The following SLC29A4 variants were observed in gnomAD, a reference collection of about 807,000 sequenced individuals.
SLC29A4 encodes the protein equilibrative nucleoside transporter 4.
A neutral mutation model predicts 43.9 loss-of-function variants in SLC29A4; 36 were observed. The ratio of observed to expected loss-of-function variants is 0.82; its 90% CI spans 0.63 to 1.08. SLC29A4 has a LOEUF of 1.08. SLC29A4 is among the 50% of genes least tolerant of loss of function. The pLI is 0.00. For missense variants in SLC29A4, 869 were observed against 755.3 expected (o/e 1.15, Z -1.77); for synonymous variants, 491 against 338.0 (o/e 1.45, Z -4.97).
chr7:5,299,292 C>G lies in SLC29A4; in HGVS notation c.1074C>G (p.Leu358=), dbSNP rs769577734. 3.1e-6 allele frequency: 5 copies of G among 1,611,958 alleles called. No homozygotes were observed. The highest frequency in any genetic ancestry group is 4.2e-6 in the Non-Finnish European group (5 of 1,179,932). ...CGCGGGTGATCTGGGCCGACATGCTCTCCATCGCCGTGACCTACTTCATCA... is the reference window on the plus strand; with the variant it reads ...CGCGGGTGATCTGGGCCGACATGCTGTCCATCGCCGTGACCTACTTCATCA... ...VVARVIWADM[L]SIAVTYFITL... The change falls in exon 9 of 11, where the codon CTC becomes CTG. Residue 358 remains leucine (L), a synonymous_variant. Transcript: ENST00000396872.
chr7:5,294,684 A>G (rs1334055962), intron 5 of SLC29A4, among the ~76,000 whole-genome samples, 176 bp from the exon 6 acceptor site: 1 of 152,076 alleles, frequency 6.6e-6, no homozygotes, highest in East Asian at 1.9e-4. Context: ...ACCCTGGCTG[A>G]CCCCAAGGGT....
intron 8 of SLC29A4, 39 bp downstream of exon 8, chr7:5,299,165 C>T: frequency 1.9e-6 from 3 of 1,600,386 alleles, no homozygotes; most frequent in South Asian, 1.1e-5. Flanking sequence ...GGCTCTGGCA[C>T]CCAGGCAGGG....
intron 5 of SLC29A4, among the ~76,000 whole-genome samples, chr7:5,292,593 T>G (rs1206390163): frequency 2.6e-5 from 4 of 151,872 alleles, no homozygotes; most frequent in African/African-American, 7.3e-5. Flanking sequence ...ATATTTTCCC[T>G]TGCACCATTT....
At position 5,288,847 on chromosome 7, in the gene SLC29A4, A is replaced by C. The variant is rs1407988535; in HGVS notation, c.169+862A>C. 2.0e-5 allele frequency among the ~76,000 whole-genome samples: 3 copies of C among 152,142 alleles called. No homozygotes were observed. The East Asian group carries it at 5.8e-4, about 29-fold the overall frequency. ...ATCAGACTTGCAGAGTGGACAGCCC[A>C]CAGGCTTGGAGTCTGACAGGCTCGG... On this transcript the variant is annotated intron_variant, in intron 2 of 10. Transcript: ENST00000396872.
At chr7:5,289,043 C>T (rs922984391) in intron 2 of SLC29A4, among the ~76,000 whole-genome samples, 5 of 152,122 alleles carry the variant, frequency 3.3e-5, no homozygotes, top group African/African-American at 7.2e-5. Flanking sequence ...CAGGAGGCAC[C>T]CTGTAAGCTA....
Position 5,302,899 on chromosome 7 carries a change from A to G in SLC29A4, c.1553A>G (p.His518Arg). The part of the protein sequence containing the change: ...LTRDAHGSCL[H>R]ASTANGSILA... The stretch of plus-strand genomic sequence containing the variant: ...CGCGACGCTCACGGCAGCTGCCTGC[A>G]CGCCTCCACCGCCAATGGTTCCATC... Residue 518 changes from histidine (H) to arginine (R), a missense_variant, in exon 11 of 11, where the codon CAC (histidine) becomes CGC (arginine). By Grantham distance (29) the His-to-Arg change is conservative (BLOSUM62 0). Coordinates refer to ENST00000396872, the MANE Select transcript of SLC29A4 (RefSeq NM_153247.4). 1.2e-6 allele frequency: 2 copies of G among 1,606,496 alleles called. No homozygotes were observed. The highest frequency in any genetic ancestry group is 1.7e-6 in the Non-Finnish European group (2 of 1,177,418).
chr7:5,298,717 C>T (rs1344696114), intron 7 of SLC29A4, among the ~76,000 whole-genome samples: 3 of 152,196 alleles, frequency 2.0e-5, no homozygotes, highest in African/African-American at 7.2e-5. Flanking sequence ...GGAGGATTGC[C>T]TGAGCCCAGG....
intron 10 of SLC29A4, among the ~76,000 whole-genome samples, chr7:5,302,047 T>C (rs1786204677): frequency 6.6e-6 from 1 of 152,046 alleles, no homozygotes; most frequent in African/African-American, 2.4e-5. Flanking sequence ...GCCTCGCAGG[T>C]TCAAGCAATT....
Position 5,306,634 on chromosome 7 carries a change from G to C in SLC29A4, c.*3695G>C, listed in dbSNP as rs565933210. 1 of 152,036 alleles carries C rather than the reference G, an allele frequency of 6.6e-6. No homozygotes were observed. The highest frequency in any genetic ancestry group is 1.5e-5 in the Non-Finnish European group (1 of 68,022). The allele number at this position is 152,036 out of a possible 1,614,324, so 9.4% of individuals were successfully genotyped here. A position where few individuals can be genotyped will look rare whatever the true frequency, so the allele number is the denominator to read the frequency against. Reference sequence around the variant, plus strand: ...CAGGCGTGAGCCACTGTGCCCAGCCGATGAGCTCATTTAGATGGCTGCATG... The same window carrying C: ...CAGGCGTGAGCCACTGTGCCCAGCCCATGAGCTCATTTAGATGGCTGCATG... On this transcript the variant is annotated 3_prime_UTR_variant, in exon 11 of 11. Coordinates refer to ENST00000396872, the MANE Select transcript of SLC29A4 (RefSeq NM_153247.4).
intron 1 of SLC29A4, among the ~76,000 whole-genome samples, chr7:5,287,417 GAAA>G (rs199755250): frequency 0.06 from 7,339 of 121,406 alleles, 387 homozygotes; most frequent in East Asian, 0.15. Context: ...GACCCTGTCT[GAAA>G]AAAAAAAAAA....
At chr7:5,300,363 G>GT in intron 9 of SLC29A4, 59 bp from the exon 10 acceptor site, 1 of 1,606,088 alleles carries the variant, frequency 6.2e-7, no homozygotes, top group East Asian at 2.2e-5. Flanking sequence ...GCTGTCGGGG[G>GT]TGTGAGGCGA....
chr7:5,300,502 C>T lies in SLC29A4; in HGVS notation c.1290C>T (p.Leu430=), dbSNP rs1394097527. 1.9e-6 allele frequency: 3 copies of T among 1,611,950 alleles called. No individual in the cohort carries two copies. Among genetic ancestry groups the T allele is most frequent in the Admixed American group, 3.3e-5 (2 of 60,000 alleles). Reference sequence around the variant, plus strand: ...GCCTGCGTGTGGTCTTCATCCCCCTCTTCATCCTGTGCGTCTACCCCAGCG... The same window carrying T: ...GCCTGCGTGTGGTCTTCATCCCCCTTTTCATCCTGTGCGTCTACCCCAGCG... The part of the protein sequence containing the change: ...CSCLRVVFIP[L]FILCVYPSGM... The change falls in exon 10 of 11, where the codon CTC becomes CTT. Residue 430 remains leucine, a synonymous_variant. Transcript: ENST00000396872.
rs1208866789 is a variant in SLC29A4, at chr7:5,305,620, C to G, written c.*2681C>G. 1.4e-5 allele frequency: 2 copies of G among 140,166 alleles called. No homozygotes were observed. The highest frequency in any genetic ancestry group is 2.3e-4 in the South Asian group (1 of 4,432). The allele number at this position is 140,166 out of a possible 1,614,324, so 8.7% of individuals were successfully genotyped here. ...TTGCCCAGGCTGGAGTGCAATGGCTCGATTTCAGCTCACTGCAACCTCTGC... is the reference window on the plus strand; with the variant it reads ...TTGCCCAGGCTGGAGTGCAATGGCTGGATTTCAGCTCACTGCAACCTCTGC... On this transcript the variant is annotated 3_prime_UTR_variant, in exon 11 of 11. Transcript: ENST00000396872.
chr7:5,286,424 G>C (rs1284554372), intron 1 of SLC29A4, among the ~76,000 whole-genome samples: 3 of 149,824 alleles, frequency 2.0e-5, no homozygotes, highest in African/African-American at 5.0e-5. Context: ...TCGGGAGGCT[G>C]AGGCAGAAGA....
At chr7:5,286,258 C>G (rs1172969113) in intron 1 of SLC29A4, among the ~76,000 whole-genome samples, 1 of 152,128 alleles carries the variant, frequency 6.6e-6, no homozygotes, top group African/African-American at 2.4e-5. Flanking sequence ...GATGTGGTGG[C>G]TCAGGCCTGT....
chr7:5,297,212 G>A lies in SLC29A4; in HGVS notation c.882+14G>A, dbSNP rs763406366. On this transcript the variant is annotated intron_variant, in intron 7 of 10. Coordinates refer to ENST00000396872, the MANE Select transcript of SLC29A4 (RefSeq NM_153247.4). ...GACGTCCACTTCGTAAGTGCGCACC[G>A]CCCACCTCTGTTCCCTTCTCTGTCC... 1.1e-5 allele frequency: 18 copies of A among 1,565,358 alleles called. No homozygotes were observed. The highest frequency in any genetic ancestry group is 1.4e-5 in the Non-Finnish European group (16 of 1,160,786).
At chr7:5,295,054 C>A in intron 6 of SLC29A4, 120 bp downstream of exon 6, 2 of 879,788 alleles carry the variant, frequency 2.3e-6, no homozygotes, top group Non-Finnish European at 3.5e-6. Flanking sequence ...AATCCCTGGG[C>A]AGACTGAGCT....
intron 2 of SLC29A4, among the ~76,000 whole-genome samples, chr7:5,288,505 C>A (rs1455412562): frequency 6.6e-6 from 1 of 151,520 alleles, no homozygotes; most frequent in African/African-American, 2.4e-5. Context: ...GGGGTTTCAC[C>A]GTGGTCTCGA....
Position 5,299,092 on chromosome 7 carries a change from G to T in SLC29A4, c.987G>T (p.Arg329=). Residue 329 remains arginine (R), a synonymous_variant, in exon 8 of 11, where the codon CGG becomes CGT. Transcript: ENST00000396872. The part of the protein sequence containing the change: ...GGAYMRFDVP[R]PRVQRSWPTF... ...CCTACATGCGCTTTGATGTGCCGCG[G>T]CCAAGGGTCCAGCGCAGCTGGCCCA... 6.2e-7 allele frequency: 1 copy of T among 1,610,356 alleles called. No individual in the cohort carries two copies. Among genetic ancestry groups the T allele is most frequent in the Non-Finnish European group, 8.5e-7 (1 of 1,179,322 alleles).
Sources: gnomAD v4.1 joint callset for allele counts (sites outside exome capture counted in the v4.1 genomes callset) on GRCh38, gnomAD v4.1.1 for gene constraint, MANE v1.5 for transcripts, NCBI Gene and HGNC (gene_info 2026-07-23, HGNC 2026-07-21) for gene names.